The following C2CD5 variants were observed in gnomAD, a reference collection of about 807,000 sequenced individuals.
C2CD5 encodes C2 calcium dependent domain containing 5, also known as C2 domain-containing protein 5.
A neutral mutation model predicts 130.3 loss-of-function variants in C2CD5; 109 were observed. The observed-to-expected ratio is 0.84, with a 90% confidence interval of 0.72 to 0.98. The LOEUF is 0.98. Among genes scored for constraint, C2CD5 ranks in the 50% least tolerant of loss-of-function variants. C2CD5 has a pLI of 0.00. For missense variants in C2CD5, 996 were observed against 1,261.8 expected (o/e 0.79, Z 3.19); for synonymous variants, 454 against 429.2 (o/e 1.06, Z -0.71).
At chr12:22,520,518 T>C (rs996002587) in intron 7 of C2CD5, among the ~76,000 whole-genome samples, 7 of 152,154 alleles carry the variant, frequency 4.6e-5, no homozygotes, top group Admixed American at 2.6e-4. Flanking sequence ...GTATTTACTA[T>C]AATGGATAAA....
At chr12:22,504,926 C>T (rs1355945519) in intron 10 of C2CD5, among the ~76,000 whole-genome samples, 1 of 151,786 alleles carries the variant, frequency 6.6e-6, no homozygotes, top group Admixed American at 6.6e-5. Flanking sequence ...ATGGAGAAAA[C>T]ATCTTATATT....
intron 22 of C2CD5, among the ~76,000 whole-genome samples, chr12:22,465,613 T>A (rs1366328355): frequency 6.6e-6 from 1 of 152,082 alleles, no homozygotes; most frequent in East Asian, 1.9e-4. Flanking sequence ...TTTTTTACTC[T>A]TCTCCCAGAC....
chr12:22,496,517 T>A (rs1229127776), intron 10 of C2CD5, among the ~76,000 whole-genome samples: 1 of 151,940 alleles, frequency 6.6e-6, no homozygotes, highest in Non-Finnish European at 1.5e-5. Flanking sequence ...TGAGGTCATT[T>A]AATAAACATT....
chr12:22,471,907 G>T, intron 19 of C2CD5, 60 bp downstream of exon 19: 1 of 911,344 alleles, frequency 1.1e-6, no homozygotes, highest in Non-Finnish European at 1.8e-6. Flanking sequence ...CAGCAATATA[G>T]ACACTTAAAA....
At chr12:22,524,992 T>C (rs1950603053) in intron 5 of C2CD5, among the ~76,000 whole-genome samples, 1 of 152,192 alleles carries the variant, frequency 6.6e-6, no homozygotes, top group Non-Finnish European at 1.5e-5. Flanking sequence ...AGATAATGAA[T>C]TTTTTTAAAT....
chr12:22,542,945 C>A (rs150907188), intron 2 of C2CD5, among the ~76,000 whole-genome samples: 1 of 152,142 alleles, frequency 6.6e-6, no homozygotes, highest in Non-Finnish European at 1.5e-5. Flanking sequence ...TCTGAACTAC[C>A]GGAAAGCAAA....
chr12:22,472,528 G>A (rs771476875), intron 17 of C2CD5, 181 bp from the exon 18 acceptor site: 79 of 607,874 alleles, frequency 1.3e-4, no homozygotes, highest in Middle Eastern at 9.0e-4. Context: ...TTTTTTTTCC[G>A]TGTATAAATA....
chr12:22,492,346 G>A (rs1325489444), intron 11 of C2CD5, among the ~76,000 whole-genome samples: 3 of 152,062 alleles, frequency 2.0e-5, no homozygotes, highest in Admixed American at 6.5e-5. Context: ...GAAAACAACT[G>A]GTTAAGGTAA....
At chr12:22,464,824 TTATA>T (rs1225740237) in intron 22 of C2CD5, among the ~76,000 whole-genome samples, 2 of 152,270 alleles carry the variant, frequency 1.3e-5, no homozygotes, top group African/African-American at 4.8e-5. Context: ...GTATAAGGAA[TTATA>T]TATAGTCATA....
chr12:22,531,157 C>T (rs986856282), intron 3 of C2CD5, among the ~76,000 whole-genome samples: 1 of 152,180 alleles, frequency 6.6e-6, no homozygotes, highest in Non-Finnish European at 1.5e-5. Flanking sequence ...TTTTTTGACA[C>T]ATATATTCCA....
At chr12:22,508,679 A>C (rs977374911) in intron 9 of C2CD5, among the ~76,000 whole-genome samples, 2 of 152,196 alleles carry the variant, frequency 1.3e-5, no homozygotes, top group African/African-American at 4.8e-5. Context: ...AGTACATTTG[A>C]ACTTTGTAAA....
intron 12 of C2CD5, among the ~76,000 whole-genome samples, chr12:22,486,560 T>C (rs1023579259): frequency 2.0e-5 from 3 of 152,208 alleles, no homozygotes; most frequent in African/African-American, 4.8e-5. Flanking sequence ...ACCACAGGTA[T>C]AACCTGTGCA....
At chr12:22,479,050 A>C (rs975442968) in intron 14 of C2CD5, among the ~76,000 whole-genome samples, 1 of 151,928 alleles carries the variant, frequency 6.6e-6, no homozygotes, top group Non-Finnish European at 1.5e-5. Flanking sequence ...TGCATACCCA[A>C]TTATATTTTT....
At chr12:22,456,128 G>C (rs1939806369) in intron 25 of C2CD5, among the ~76,000 whole-genome samples, 1 of 152,222 alleles carries the variant, frequency 6.6e-6, no homozygotes, top group African/African-American at 2.4e-5. Context: ...ATTAAAGACA[G>C]TGTGCAGGCT....
chr12:22,512,328 T>C (rs1197509952), intron 9 of C2CD5, among the ~76,000 whole-genome samples: 2 of 152,132 alleles, frequency 1.3e-5, no homozygotes, highest in African/African-American at 2.4e-5. Flanking sequence ...TCACCTTTTT[T>C]CCCCCAAATG....
At chr12:22,504,935 T>C (rs888856822) in intron 10 of C2CD5, among the ~76,000 whole-genome samples, 3 of 151,928 alleles carry the variant, frequency 2.0e-5, no homozygotes, top group African/African-American at 7.3e-5. Context: ...ACATCTTATA[T>C]TGACCACAAA....
chr12:22,493,451 A>T, intron 10 of C2CD5, 114 bp from the exon 11 acceptor site: 1 of 560,128 alleles, frequency 1.8e-6, no homozygotes, highest in African/African-American at 1.9e-5. Flanking sequence ...TCTATAATGG[A>T]TTTTTAAACT....
chr12:22,449,806 G>GT lies in C2CD5; in HGVS notation c.3109dup (p.Thr1037AsnfsTer10). 1.9e-6 allele frequency: 3 copies of GT among 1,610,264 alleles called. No homozygotes were observed. The highest frequency in any genetic ancestry group is 2.5e-6 in the Non-Finnish European group (3 of 1,177,232). ...AGTACATGATGACTGGCAGTTGGTA[G>GT]TAGGTTGCTGAGATGACACCACTTC... is the stretch of plus-strand genomic sequence containing the variant. On this transcript the variant is annotated frameshift_variant, in exon 27 of 27. Coordinates refer to ENST00000446597, the MANE Select transcript of C2CD5 (RefSeq NM_001286176.2). LOFTEE classifies it high-confidence loss of function.
intron 22 of C2CD5, among the ~76,000 whole-genome samples, chr12:22,465,319 T>A (rs993800009): frequency 6.6e-6 from 1 of 152,150 alleles, no homozygotes; most frequent in Non-Finnish European, 1.5e-5. Context: ...AAACTAAAAT[T>A]GACTTAATTA....
Sources: gnomAD v4.1 joint callset for allele counts (sites outside exome capture counted in the v4.1 genomes callset) on GRCh38, gnomAD v4.1.1 for gene constraint, MANE v1.5 for transcripts, NCBI Gene and HGNC (gene_info 2026-07-23, HGNC 2026-07-21) for gene names.